Variants in ATG2A observed in about 807,000 individuals in gnomAD.
The protein encoded by ATG2A is autophagy-related protein 2 homolog A.
A neutral mutation model predicts 214.2 loss-of-function variants in ATG2A; 103 were observed. The observed-to-expected ratio is 0.48, with a 90% confidence interval of 0.41 to 0.57. The LOEUF is 0.57. Ranked by LOEUF, ATG2A falls within the 20% of genes least tolerant of loss-of-function variation. ATG2A has a pLI of 0.00. For synonymous variants in ATG2A, 1,160 were observed against 1,142.1 expected, an observed-to-expected ratio of 1.02 and a Z score of -0.32; for missense variants, 2,312 against 2,613.2, an observed-to-expected ratio of 0.88 and a Z score of 2.51.
chr11:64,905,791 CCG>C lies in ATG2A; in HGVS notation c.3320_3321del (p.Thr1107SerfsTer17). ...DDPVLGYLPPTVITILHTHLF... is the reference protein window; with the variant it reads ...DDPVLGYLPPXVITILHTHLF... ...AGGTGTGTGTGCAGGATGGTGATGA[CCG>C]TCGGGGGCAGGTAGCCCAGCACAGG... is the stretch of plus-strand genomic sequence containing the variant. On this transcript the variant is annotated frameshift_variant, in exon 23 of 41. Coordinates refer to ENST00000377264, the MANE Select transcript of ATG2A (RefSeq NM_015104.3). LOFTEE classifies it high-confidence loss of function. 6.2e-7 allele frequency: 1 copy of C among 1,613,830 alleles called. No homozygotes were observed. The highest frequency in any genetic ancestry group is 8.5e-7 in the Non-Finnish European group (1 of 1,180,014).
At chr11:64,909,646 T>C (rs1440838818) in intron 14 of ATG2A, 35 bp downstream of exon 14, 15 of 1,601,346 alleles carry the variant, frequency 9.4e-6, no homozygotes, top group Non-Finnish European at 1.3e-5. Flanking sequence ...AAGCCAGGCC[T>C]CTTGCCCCAA....
At position 64,905,669 on chromosome 11, in the gene ATG2A, T is replaced by G. The variant is rs373979451; in HGVS notation, c.3372-14A>C. The G allele has an allele frequency of 1.5e-5, 24 of 1,613,572 alleles. No individual in the cohort carries two copies. The African/African-American group carries it at 2.9e-4, about 20-fold the overall frequency. On this transcript the variant is annotated splice_polypyrimidine_tract_variant and intron_variant, in intron 23 of 40. Transcript: ENST00000377264. ...AGGTAGAGTGGCCTGGGGGTGATACTCGGGCTGGGGCCGGCTCCTTACACC... is the reference window on the plus strand; with the variant it reads ...AGGTAGAGTGGCCTGGGGGTGATACGCGGGCTGGGGCCGGCTCCTTACACC...
At position 64,911,789 on chromosome 11, in the gene ATG2A, G is replaced by T. The variant is rs1430051387; in HGVS notation, c.1228+53C>A. ...GCCTCTGACAGCCCACGGCACTAAG[G>T]CCTCTTCCAGTCCTTCCTGTCCCTG... On this transcript the variant is annotated intron_variant, in intron 9 of 40. Coordinates refer to ENST00000377264, the MANE Select transcript of ATG2A (RefSeq NM_015104.3). 6 of 1,606,206 alleles carry T rather than the reference G, an allele frequency of 3.7e-6. No individual in the cohort carries two copies. The African/African-American group carries it at 8.0e-5, about 21-fold the overall frequency.
intron 38 of ATG2A, 24 bp downstream of exon 38, chr11:64,896,724 G>C: frequency 6.2e-7 from 1 of 1,612,774 alleles, no homozygotes; most frequent in Non-Finnish European, 8.5e-7. Context: ...GCAGTTTCGA[G>C]GGCTTCCAAA....
rs1284356067 is a variant in ATG2A, at chr11:64,913,199, G to A, written c.727-63C>T. The A allele has an allele frequency of 6.2e-7, 1 of 1,610,040 alleles. No individual in the cohort carries two copies. The highest frequency in any genetic ancestry group is 2.2e-5 in the East Asian group (1 of 44,748). On this transcript the variant is annotated intron_variant, in intron 5 of 40. Coordinates refer to ENST00000377264, the MANE Select transcript of ATG2A (RefSeq NM_015104.3). This position sits in a 1 kb window ranked among gnomAD's most constrained non-coding sequence, Gnocchi z 4.3. ...AAATGGAGTCAGAGATGGTCAGAAA[G>A]GATGGGAGGGGCTCAATGGGCTCAA...
chr11:64,896,698 T>A (rs1420809798), intron 38 of ATG2A, 50 bp downstream of exon 38: 2 of 1,609,100 alleles, frequency 1.2e-6, no homozygotes, highest in Non-Finnish European at 1.7e-6. Flanking sequence ...AGCTTCTAGG[T>A]TGCCCAAGGG....
chr11:64,916,013 C>T (rs1944968294), intron 1 of ATG2A, among the ~76,000 whole-genome samples: 1 of 152,204 alleles, frequency 6.6e-6, no homozygotes, highest in Non-Finnish European at 1.5e-5. Flanking sequence ...CCCAGATTAG[C>T]AGCCCCCTGA....
At chr11:64,911,385 T>A (rs934577849) in intron 9 of ATG2A, 110 bp from the exon 10 acceptor site, 194 of 1,110,176 alleles carry the variant, frequency 1.7e-4, no homozygotes, top group Admixed American at 3.4e-4. Flanking sequence ...TGCCCCACCA[T>A]GTGGCTCTGG....
In ATG2A at chr11:64,894,995, C is replaced by T; in HGVS notation, c.5795G>A (p.Arg1932His). Residue 1932 changes from arginine (R) to histidine (H), a missense_variant, in exon 41 of 41, where the codon CGC (arginine) becomes CAC (histidine). Arg to His is a conservative substitution (Grantham distance 29). Transcript: ENST00000377264. ...DAHKDHALKW[R>H]SDSAQD ...GGCTCAGTCTTGGGCACTGTCCGAG[C>T]GCCACTTGAGGGCGTGGTCCTTGTG... is the stretch of plus-strand genomic sequence containing the variant. The T allele has an allele frequency of 5.6e-6, 9 of 1,612,276 alleles. No homozygotes were observed. Among genetic ancestry groups the T allele is most frequent in the South Asian group, 2.2e-5 (2 of 90,998 alleles).
intron 9 of ATG2A, 23 bp downstream of exon 9, chr11:64,911,819 A>T: frequency 6.2e-7 from 1 of 1,611,510 alleles, no homozygotes; most frequent in Non-Finnish European, 8.5e-7. Context: ...TCCCTGGAGT[A>T]CCCCCAGGGT....
chr11:64,900,595 G>A lies in ATG2A; in HGVS notation c.4363C>T (p.Pro1455Ser). 6.2e-7 allele frequency: 1 copy of A among 1,612,218 alleles called. No individual in the cohort carries two copies. The highest frequency in any genetic ancestry group is 8.5e-7 in the Non-Finnish European group (1 of 1,179,380). ...CGGTTGGGGCCAGAGCAGCGGGAAG[G>A]GGAGCTCCTGGGACCTGAGAGGCCA... ...RTGLSGPRSS[P>S]SRCSGPNRPQ... Residue 1455 changes from proline (P) to serine (S), a missense_variant, in exon 31 of 41, where the codon CCT becomes TCT. Physicochemically the swap from Pro to Ser is moderately conservative, Grantham distance 74. Coordinates refer to ENST00000377264, the MANE Select transcript of ATG2A (RefSeq NM_015104.3).
At position 64,900,827 on chromosome 11, in the gene ATG2A, T is replaced by C. The variant is rs1944326252; in HGVS notation, c.4328+57A>G. On this transcript the variant is annotated intron_variant, in intron 30 of 40. Coordinates refer to ENST00000377264, the MANE Select transcript of ATG2A (RefSeq NM_015104.3). ...GTCTCCAGCTGCTGAAAGTCAGACC[T>C]GGACCAGCCTGAGCCCCAACCTTCA... 2.6e-6 allele frequency: 4 copies of C among 1,521,700 alleles called. No individual in the cohort carries two copies. The Admixed American group carries it at 8.7e-5, about 33-fold the overall frequency. 94.3% of individuals were successfully genotyped at this position (1,521,700 alleles called of 1,614,324 possible).
chr11:64,899,792 A>T (rs1016397091), intron 31 of ATG2A, among the ~76,000 whole-genome samples: 2 of 151,760 alleles, frequency 1.3e-5, no homozygotes, highest in Non-Finnish European at 2.9e-5. Context: ...CAAAAGAAAC[A>T]TTCTGGGTCG....
Position 64,898,058 on chromosome 11 carries a change from C to T in ATG2A, c.4858+28G>A, listed in dbSNP as rs368511026. 2.7e-5 allele frequency: 44 copies of T among 1,612,206 alleles called. No individual in the cohort carries two copies. Among genetic ancestry groups the T allele is most frequent in the South Asian group, 3.3e-5 (3 of 90,976 alleles). On this transcript the variant is annotated intron_variant, in intron 34 of 40. Transcript: ENST00000377264. This position sits in a 1 kb window ranked among gnomAD's most constrained non-coding sequence, Gnocchi z 4.5. ...TGTCCTGGGAGGCAGAAGGCCCAGA[C>T]GCTCCCCTCCCTGGCCCAGCCTCTC... is the stretch of plus-strand genomic sequence containing the variant.
At position 64,910,090 on chromosome 11, in the gene ATG2A, C is replaced by A. The variant is rs375650529; in HGVS notation, c.1813G>T (p.Ala605Ser). 1.9e-6 allele frequency: 3 copies of A among 1,608,602 alleles called. No individual in the cohort carries two copies. Among genetic ancestry groups the A allele is most frequent in the Non-Finnish European group, 2.5e-6 (3 of 1,178,500 alleles). ...VELGALDRLAALLRLATVPAE... is the reference protein window; with the variant it reads ...VELGALDRLASLLRLATVPAE... Reference sequence around the variant, plus strand: ...GGTACGGTGGCCAGGCGCAGTAGGGCGGCCAGCCGGTCCAGGGCCCCCAGC... The same window carrying A: ...GGTACGGTGGCCAGGCGCAGTAGGGAGGCCAGCCGGTCCAGGGCCCCCAGC... The change falls in exon 13 of 41, where the codon GCC (alanine) becomes TCC (serine). Residue 605 changes from alanine (A) to serine (S), a missense_variant. Transcript: ENST00000377264.
Position 64,900,582 on chromosome 11 carries a change from G to A in ATG2A, c.4376C>T (p.Ser1459Phe). Residue 1459 changes from serine to phenylalanine, a missense_variant, in exon 31 of 41, where the codon TCT becomes TTT. Physicochemically the swap from Ser to Phe is radical, Grantham distance 155 (BLOSUM62 -2). Transcript: ENST00000377264. The part of the protein sequence containing the change: ...SGPRSSPSRC[S>F]GPNRPQNSWR... ...TGAGTTCTGGGGCCGGTTGGGGCCA[G>A]AGCAGCGGGAAGGGGAGCTCCTGGG... The A allele has an allele frequency of 1.2e-6, 2 of 1,613,052 alleles. No homozygotes were observed. The highest frequency in any genetic ancestry group is 2.2e-5 in the East Asian group (1 of 44,878).
In ATG2A at chr11:64,906,510, G is replaced by C; in HGVS notation, c.3007C>G (p.Pro1003Ala). The change falls in exon 21 of 41, where the codon CCC becomes GCC. Residue 1003 changes from proline to alanine, a missense_variant. By Grantham distance (27) the Pro-to-Ala change is conservative (BLOSUM62 -1). Transcript: ENST00000377264. ...AAACTGGGAAGGTCCAGGTGACTGG[G>C]CAGCGGGTAGTCATCCACGGCCGCT... Reference protein sequence around the residue: ...HRAAVDDYPLPSHLDLPSFAP... With the variant: ...HRAAVDDYPLASHLDLPSFAP... The C allele has an allele frequency of 6.2e-7, 1 of 1,613,184 alleles. No individual in the cohort carries two copies.
Position 64,912,140 on chromosome 11 carries a change from A to G in ATG2A, c.1032T>C (p.Ala344=), listed in dbSNP as rs565760274. ...LNQQLQAGAV[A]EPLSPDPLTN... ...TAAGGGGGTCTGGGCTGAGGGGCTC[A>G]GCCACTGCCCCTGCCTGCAGCTGCT... The change falls in exon 8 of 41, where the codon GCT becomes GCC. Residue 344 remains alanine (A), a synonymous_variant. Coordinates refer to ENST00000377264, the MANE Select transcript of ATG2A (RefSeq NM_015104.3). The G allele has an allele frequency of 2.5e-6, 4 of 1,613,962 alleles. No homozygotes were observed. In the Admixed American group the frequency reaches 6.7e-5, roughly 27 times the overall value.
chr11:64,897,960 G>C lies in ATG2A; in HGVS notation c.4873C>G (p.Arg1625Gly). ...ETSAEARPET[R>G]AQPSSPLEGQ... Reference sequence around the variant, plus strand: ...TCCAGGGGGCTGCTGGGCTGGGCTCGAGTCTCGGGGCGAGCTAGGGGAGGG... The same window carrying C: ...TCCAGGGGGCTGCTGGGCTGGGCTCCAGTCTCGGGGCGAGCTAGGGGAGGG... Residue 1625 changes from arginine (R) to glycine (G), a missense_variant, in exon 35 of 41, where the codon CGA becomes GGA. Coordinates refer to ENST00000377264, the MANE Select transcript of ATG2A (RefSeq NM_015104.3). 1 of 1,551,220 alleles carries C rather than the reference G, an allele frequency of 6.4e-7. No individual in the cohort carries two copies. The highest frequency in any genetic ancestry group is 1.4e-5 in the African/African-American group (1 of 73,224).
Sources: allele counts gnomAD v4.1 joint callset (sites outside exome capture counted in the v4.1 genomes callset), GRCh38; gene constraint gnomAD v4.1.1; non-coding constraint Gnocchi (gnomAD v3.1); transcripts MANE v1.5; gene names NCBI Gene and HGNC (gene_info 2026-07-23, HGNC 2026-07-21).